The following KNDC1 variants were observed in gnomAD, a reference collection of about 807,000 sequenced individuals.
KNDC1 encodes kinase non-catalytic C-lobe domain containing 1.
A neutral mutation model predicts 172.8 loss-of-function variants in KNDC1; 106 were observed. That is an observed-to-expected ratio of 0.61 (90% CI 0.52 to 0.72). The LOEUF (loss-of-function observed/expected upper bound fraction) is 0.72. Ranked by LOEUF, KNDC1 falls within the 30% of genes least tolerant of loss-of-function variation. The pLI is 0.00. For missense variants in KNDC1, 2,325 were observed against 2,394.5 expected (o/e 0.97, Z 0.61); for synonymous variants, 1,083 against 1,062.2 (o/e 1.02, Z -0.38).
At chr10:133,205,066 G>A (rs184602592) in intron 17 of KNDC1, among the ~76,000 whole-genome samples, 24 of 64,238 alleles carry the variant, frequency 3.7e-4, no homozygotes, top group Middle Eastern at 0.018. Flanking sequence ...CAAGCCCCAC[G>A]GGTGCAGGAG....
chr10:133,210,751 G>A (rs570933774), intron 21 of KNDC1, 27 bp downstream of exon 21: 30 of 1,551,700 alleles, frequency 1.9e-5, no homozygotes, highest in African/African-American at 1.9e-4. Flanking sequence ...CTCCACGCCC[G>A]CCAGAGCTTC....
chr10:133,167,344 G>T, intron 1 of KNDC1, 37 bp from the exon 2 acceptor site: 1 of 1,530,252 alleles, frequency 6.5e-7, no homozygotes. Flanking sequence ...CTGGCTGGGG[G>T]TCCTGCCGGG....
rs151041864 is a variant in KNDC1, at chr10:133,224,792, G to A, written c.5152G>A (p.Ala1718Thr). ...CAGCGGTGCCGACATTTCCACACTC[G>A]CCGCAGATAGCAGGGCCAACTTCCA... ...RFSGADISTL[A>T]ADSRANFHQV... The change falls in exon 30 of 30, where the codon GCC (alanine) becomes ACC (threonine). Residue 1718 changes from alanine (A) to threonine (T), a missense_variant. By Grantham distance (58) the Ala-to-Thr change is moderately conservative. Coordinates refer to ENST00000304613, the MANE Select transcript of KNDC1 (RefSeq NM_152643.8). This position sits in a 1 kb window ranked among gnomAD's most constrained non-coding sequence, Gnocchi z 5.4. 1.2e-5 allele frequency: 19 copies of A among 1,614,004 alleles called. No individual in the cohort carries two copies. The highest frequency in any genetic ancestry group is 6.7e-5 in the African/African-American group (5 of 74,922).
intron 12 of KNDC1, 36 bp from the exon 13 acceptor site, chr10:133,198,298 ACTC>A (rs1425446837): frequency 1.1e-5 from 16 of 1,509,832 alleles, no homozygotes; most frequent in Middle Eastern, 3.7e-4. Flanking sequence ...TGCTGGGGCC[ACTC>A]CGCCCGCCCA....
rs1406396461 is a variant in KNDC1, at chr10:133,183,434, G to T, written c.451G>T (p.Glu151Ter). 1 of 1,605,958 alleles carries T rather than the reference G, an allele frequency of 6.2e-7. No homozygotes were observed. The highest frequency in any genetic ancestry group is 8.5e-7 in the Non-Finnish European group (1 of 1,177,940). The change falls in exon 4 of 30, where the codon GAG (glutamate) becomes TAG (stop). Residue 151 changes from glutamate (E) to a stop codon, truncating the protein, a stop_gained. Transcript: ENST00000304613. LOFTEE classifies it high-confidence loss of function. Reference sequence around the variant, plus strand: ...GGAACCCAGGCTGAGCCAAGACCTCGAGGCGCTGCTGAGCCGGATGCAGGC... The same window carrying T: ...GGAACCCAGGCTGAGCCAAGACCTCTAGGCGCTGCTGAGCCGGATGCAGGC... ...TLEPRLSQDLEALLSRMQAED... is the reference protein window; with the variant it reads ...TLEPRLSQDL
At chr10:133,170,135 T>C (rs1177429671) in intron 3 of KNDC1, among the ~76,000 whole-genome samples, 1 of 152,228 alleles carries the variant, frequency 6.6e-6, no homozygotes, top group Non-Finnish European at 1.5e-5. Flanking sequence ...TACATTTAAA[T>C]CCCCGCTTGT....
chr10:133,221,649 A>G (rs1018830590), intron 29 of KNDC1, among the ~76,000 whole-genome samples: 1 of 152,248 alleles, frequency 6.6e-6, no homozygotes, highest in Admixed American at 6.5e-5. Context: ...CCAGGTGCCC[A>G]TGGATCCTCA....
chr10:133,206,463 G>A (rs1185825502), intron 17 of KNDC1, among the ~76,000 whole-genome samples: 3 of 151,982 alleles, frequency 2.0e-5, no homozygotes, highest in Admixed American at 2.0e-4. Context: ...GCCCCAAGCT[G>A]GGCACTGCCC....
intron 3 of KNDC1, among the ~76,000 whole-genome samples, chr10:133,177,601 A>G (rs1371251279): frequency 6.6e-6 from 1 of 151,480 alleles, no homozygotes; most frequent in African/African-American, 2.4e-5. Flanking sequence ...GCACATGTGC[A>G]TAATGCATGT....
rs1227055194 is a variant in KNDC1 at position 133,209,503 on chromosome 10, GGA to G, written c.3795-1106_3795-1105del. 1.3e-5 allele frequency among the ~76,000 whole-genome samples: 2 copies of G among 151,590 alleles called. No individual in the cohort carries two copies. The highest frequency in any genetic ancestry group is 2.9e-5 in the Non-Finnish European group (2 of 67,878). ...GTGTGTGGTGTGCGCGTCTGGTTGT[GGA>G]GTTCTGTGTGGCTTTGTGCATGTGT... On this transcript the variant is annotated intron_variant, in intron 20 of 29. Coordinates refer to ENST00000304613, the MANE Select transcript of KNDC1 (RefSeq NM_152643.8). The surrounding 1 kb of genome is among the most constrained non-coding windows in gnomAD (Gnocchi z 4.9).
intron 3 of KNDC1, among the ~76,000 whole-genome samples, chr10:133,173,401 G>A (rs529067000): frequency 1.2e-4 from 19 of 152,276 alleles, no homozygotes; most frequent in Admixed American, 4.6e-4. Flanking sequence ...ATCAGTAAGA[G>A]TACTTAAGGC....
At position 133,215,477 on chromosome 10, in the gene KNDC1, G is replaced by A. The variant is rs1016351364; in HGVS notation, c.4677+1355G>A. ...CTTTGGGGATTTGTCGCCAGGGCAC[G>A]CCAGCACGGGGCGTGGGAACAGGGA... On this transcript the variant is annotated intron_variant, in intron 26 of 29. Coordinates refer to ENST00000304613, the MANE Select transcript of KNDC1 (RefSeq NM_152643.8). Among the ~76,000 whole-genome samples, 22 of 152,258 alleles carry A rather than the reference G, an allele frequency of 1.4e-4. 1 individual carries two copies. Among genetic ancestry groups the A allele is most frequent in the Admixed American group, 9.8e-4 (15 of 15,294 alleles).
chr10:133,182,945 G>A (rs35538638), intron 3 of KNDC1, among the ~76,000 whole-genome samples: 13 of 143,592 alleles, frequency 9.1e-5, no homozygotes, highest in Non-Finnish European at 1.4e-4. Context: ...CACAGGCGGT[G>A]TGGGCACAGG....
chr10:133,213,761 G>A (rs1041442843), intron 25 of KNDC1, 34 bp downstream of exon 25: 33 of 1,599,512 alleles, frequency 2.1e-5, no homozygotes, highest in Non-Finnish European at 2.7e-5. Context: ...GGGAGCGGTG[G>A]TGGAGGGTCT....
chr10:133,210,568 G>GC (rs1564897735), intron 20 of KNDC1, 43 bp from the exon 21 acceptor site: 1 of 1,207,844 alleles, frequency 8.3e-7, no homozygotes, highest in South Asian at 1.2e-5. Flanking sequence ...GCCCTGGGGT[G>GC]CGGCCACCCC....
At position 133,224,584 on chromosome 10, in the gene KNDC1, C is replaced by CG. The variant is rs1216330854; in HGVS notation, c.5019-69dup. On this transcript the variant is annotated intron_variant, in intron 29 of 29. Coordinates refer to ENST00000304613, the MANE Select transcript of KNDC1 (RefSeq NM_152643.8). The surrounding 1 kb of genome is among the most constrained non-coding windows in gnomAD (Gnocchi z 5.4). ...TTAGTCCAAATGATTCCTAAGAACG[C>CG]GGGGGGACTCCCTCCCCACGGAAGC... 3 of 1,020,112 alleles carry CG rather than the reference C, an allele frequency of 2.9e-6. No homozygotes were observed. Among genetic ancestry groups the CG allele is most frequent in the South Asian group, 1.5e-5 (1 of 66,538 alleles). 63.2% of individuals were successfully genotyped at this position (1,020,112 alleles called of 1,614,324 possible).
At chr10:133,174,224 A>C (rs1233784273) in intron 3 of KNDC1, 5 of 152,310 alleles carry the variant, frequency 3.3e-5, no homozygotes, top group African/African-American at 1.2e-4. Flanking sequence ...TGTTTGCATC[A>C]GAGGCCTCCA....
At chr10:133,198,239 G>A (rs1854248483) in intron 12 of KNDC1, 98 bp from the exon 13 acceptor site, 12 of 1,357,290 alleles carry the variant, frequency 8.8e-6, no homozygotes, top group East Asian at 2.5e-5. Context: ...GCGGCACCAC[G>A]CACTGGGTGG....
chr10:133,200,319 CTG>C (rs1304285399), intron 15 of KNDC1, 54 bp from the exon 16 acceptor site: 4 of 1,362,080 alleles, frequency 2.9e-6, no homozygotes, highest in East Asian at 2.7e-5. Context: ...CCTGTGGAGA[CTG>C]TGGCCTCCTC....
Sources: allele counts gnomAD v4.1 joint callset (sites outside exome capture counted in the v4.1 genomes callset), GRCh38; gene constraint gnomAD v4.1.1; non-coding constraint Gnocchi (gnomAD v3.1); transcripts MANE v1.5; gene names NCBI Gene and HGNC (gene_info 2026-07-23, HGNC 2026-07-21).